The following NELL1 variants were observed in gnomAD, a reference collection of about 807,000 sequenced individuals.
NELL1 encodes the protein protein kinase C-binding protein NELL1.
NELL1 carries 76 observed loss-of-function variants against 107.4 expected under a neutral mutation model. The ratio of observed to expected loss-of-function variants is 0.71; its 90% CI spans 0.59 to 0.86. NELL1 has a LOEUF of 0.86. Among genes scored for constraint, NELL1 ranks in the 40% least tolerant of loss-of-function variants. The pLI is 0.00. For missense variants in NELL1, 1,024 were observed against 1,005.5 expected (o/e 1.02, Z -0.25); for synonymous variants, 353 against 341.2 (o/e 1.03, Z -0.38).
intron 12 of NELL1, among the ~76,000 whole-genome samples, chr11:20,968,231 T>G (rs10766749): frequency 0.31 from 46,827 of 151,782 alleles, 7,675 homozygotes; most frequent in East Asian, 0.5. Context: ...CTGTTTAAAG[T>G]TTTATTATCT....
chr11:21,571,218 A>G (rs1160808741), intron 18 of NELL1, among the ~76,000 whole-genome samples: 1 of 151,954 alleles, frequency 6.6e-6, no homozygotes, highest in Non-Finnish European at 1.5e-5. Context: ...AAATCTCTGC[A>G]AGAAAGGAAG....
chr11:21,117,157 C>G (rs10734295), intron 13 of NELL1, among the ~76,000 whole-genome samples: 93,890 of 151,690 alleles, frequency 0.62, 29,827 homozygotes, highest in Non-Finnish European at 0.7. Context: ...ATTGAGCTCT[C>G]TTCTCATTTA....
intron 15 of NELL1, among the ~76,000 whole-genome samples, chr11:21,455,324 T>C (rs1853700206): frequency 3.5e-5 from 5 of 143,582 alleles, no homozygotes; most frequent in Middle Eastern, 3.5e-3. Flanking sequence ...TTTATTCTTT[T>C]TTTTTTTTTT....
Position 21,560,347 on chromosome 11 carries a change from T to C in NELL1, c.1945T>C (p.Leu649=). ...GLKHNGQVWT[L]KEDRCSVCSC... is the part of the protein sequence containing the mutation. ...GAAGCACAATGGCCAGGTGTGGACC[T>C]TGAAAGAAGACAGGTGTTCTGTCTG... Residue 649 remains leucine, a synonymous_variant, in exon 17 of 20, where the codon TTG becomes CTG. Coordinates refer to ENST00000357134, the MANE Select transcript of NELL1 (RefSeq NM_006157.5). The C allele has an allele frequency of 6.2e-7, 1 of 1,603,914 alleles. No individual in the cohort carries two copies. Among genetic ancestry groups the C allele is most frequent in the Non-Finnish European group, 8.5e-7 (1 of 1,175,388 alleles).
intron 15 of NELL1, among the ~76,000 whole-genome samples, chr11:21,443,354 T>A (rs1333520703): frequency 2.0e-5 from 3 of 152,148 alleles, no homozygotes; most frequent in Non-Finnish European, 2.9e-5. Flanking sequence ...ACACATGAAC[T>A]TTAGGTGGAT....
chr11:20,971,015 T>C (rs1851489675), intron 12 of NELL1, among the ~76,000 whole-genome samples: 1 of 152,204 alleles, frequency 6.6e-6, no homozygotes, highest in Admixed American at 6.5e-5. Context: ...TGAACTTGCA[T>C]GGCCTTGCTT....
intron 13 of NELL1, among the ~76,000 whole-genome samples, chr11:21,156,615 T>G (rs1359011941): frequency 6.6e-6 from 1 of 152,074 alleles, no homozygotes; most frequent in African/African-American, 2.4e-5. Context: ...TTCAAAGAGA[T>G]GGCAGTACCC....
intron 2 of NELL1, among the ~76,000 whole-genome samples, chr11:20,700,469 A>G (rs1438252122): frequency 2.0e-5 from 3 of 151,432 alleles, no homozygotes; most frequent in Non-Finnish European, 4.4e-5. Flanking sequence ...ACAGAGTGAG[A>G]CTCCATCTCA....
intron 12 of NELL1, among the ~76,000 whole-genome samples, chr11:21,057,693 G>A (rs1458405846): frequency 6.6e-6 from 1 of 151,744 alleles, no homozygotes; most frequent in African/African-American, 2.4e-5. Context: ...AGCTGCAGAT[G>A]GGTGTTTAAT....
intron 11 of NELL1, among the ~76,000 whole-genome samples, chr11:20,958,909 G>A (rs1041426541): frequency 3.3e-5 from 5 of 152,240 alleles, no homozygotes; most frequent in South Asian, 4.2e-4. Context: ...TTGTGGGTTC[G>A]GTTCCAGACT....
At chr11:21,150,457 T>C (rs1856088740) in intron 13 of NELL1, among the ~76,000 whole-genome samples, 2 of 152,154 alleles carry the variant, frequency 1.3e-5, no homozygotes, top group Admixed American at 1.3e-4. Context: ...CAAGTTCTCA[T>C]TAATCCTCTT....
At chr11:21,174,883 T>C (rs1856680534) in intron 13 of NELL1, among the ~76,000 whole-genome samples, 1 of 151,746 alleles carries the variant, frequency 6.6e-6, no homozygotes, top group African/African-American at 2.4e-5. Context: ...AGAGGGACTT[T>C]ATGATTGGGA....
At chr11:20,728,557 A>G (rs895875896) in intron 2 of NELL1, among the ~76,000 whole-genome samples, 4 of 151,772 alleles carry the variant, frequency 2.6e-5, no homozygotes, top group African/African-American at 9.7e-5. Context: ...CATTTATTGA[A>G]TAGGAAATCC....
Position 20,847,689 on chromosome 11 carries a change from C to A in NELL1, c.442C>A (p.Gln148Lys). The A allele has an allele frequency of 1.9e-6, 3 of 1,613,742 alleles. No homozygotes were observed. The highest frequency in any genetic ancestry group is 2.5e-6 in the Non-Finnish European group (3 of 1,179,830). Residue 148 changes from glutamine to lysine, a missense_variant, in exon 4 of 20, where the codon CAA becomes AAA. Coordinates refer to ENST00000357134, the MANE Select transcript of NELL1 (RefSeq NM_006157.5). ...EALPYRMADG[Q>K]WHKVALSVSA... ...ACTTCCTTACCGCATGGCAGATGGA[C>A]AATGGCACAAGGTTGCACTGTCAGT...
intron 13 of NELL1, among the ~76,000 whole-genome samples, chr11:21,214,870 A>G (rs1857580545): frequency 2.0e-5 from 3 of 152,182 alleles, no homozygotes. Context: ...TACATGAGAT[A>G]ATATTGCATA....
At chr11:21,039,311 A>C (rs1271735245) in intron 12 of NELL1, among the ~76,000 whole-genome samples, 1 of 151,816 alleles carries the variant, frequency 6.6e-6, no homozygotes, top group Non-Finnish European at 1.5e-5. Flanking sequence ...TCAGCCTCCC[A>C]AGTAGATGGG....
chr11:21,172,121 G>A lies in NELL1; in HGVS notation c.1427-57211G>A, dbSNP rs1175883635. The stretch of plus-strand genomic sequence containing the variant: ...GCGTTTTAAAAACTGCACCGCAAAG[G>A]GTATTTTTTGGATCTACCTATTGAA... On this transcript the variant is annotated intron_variant, in intron 13 of 19. Coordinates refer to ENST00000357134, the MANE Select transcript of NELL1 (RefSeq NM_006157.5). 5.3e-5 allele frequency among the ~76,000 whole-genome samples: 8 copies of A among 151,706 alleles called. No individual in the cohort carries two copies. The East Asian group carries it at 5.8e-4, about 11-fold the overall frequency.
chr11:20,795,050 A>G (rs1590301406), intron 3 of NELL1, among the ~76,000 whole-genome samples: 1 of 152,218 alleles, frequency 6.6e-6, no homozygotes, highest in Non-Finnish European at 1.5e-5. Context: ...ACTCTCAGGC[A>G]CAGCCATTAT....
intron 15 of NELL1, among the ~76,000 whole-genome samples, chr11:21,418,120 A>G (rs1027130219): frequency 9.2e-5 from 14 of 152,048 alleles, no homozygotes; most frequent in Non-Finnish European, 1.9e-4. Flanking sequence ...CACTTATTCA[A>G]CAGGGGTTTA....
Sources: gnomAD v4.1 joint callset for allele counts (sites outside exome capture counted in the v4.1 genomes callset) on GRCh38, gnomAD v4.1.1 for gene constraint, MANE v1.5 for transcripts, NCBI Gene and HGNC (gene_info 2026-07-23, HGNC 2026-07-21) for gene names.